CXCL13: variants seen among roughly 807,000 people sequenced by gnomAD.
CXCL13 encodes C-X-C motif chemokine 13.
In CXCL13, 7 loss-of-function variants were observed where a neutral mutation model predicts 12.2. The observed-to-expected ratio is 0.57, with a 90% CI of 0.33 to 1.07. The LOEUF is 1.07. CXCL13 is among the 50% of genes least tolerant of loss of function. The probability of loss-of-function intolerance (pLI) is 0.04; values close to 1 mark genes in which losing one functional copy is unlikely to be tolerated. For synonymous variants in CXCL13, 47 were observed against 42.4 expected, an observed-to-expected ratio of 1.11 and a Z score of -0.42; for missense variants, 113 against 127.4, an observed-to-expected ratio of 0.89 and a Z score of 0.55.
At chr4:77,542,005 A>G (rs945301656) in intron 1 of CXCL13, among the ~76,000 whole-genome samples, 1 of 151,992 alleles carries the variant, frequency 6.6e-6, no homozygotes, top group Non-Finnish European at 1.5e-5. Context: ...TTTGGTTCTC[A>G]GCTTGAATAC....
rs879778686 is a variant in CXCL13 at position 77,546,076 on chromosome 4, C to A, written c.-43+34288C>A. 2.6e-5 allele frequency among the ~76,000 whole-genome samples: 4 copies of A among 152,276 alleles called. No homozygotes were observed. In the East Asian group the frequency reaches 7.7e-4, roughly 29 times the overall value. On this transcript the variant is annotated intron_variant, in intron 1 of 4. Coordinates refer to the CXCL13 transcript ENST00000286758. Reference sequence around the variant, plus strand: ...TATTGATTTGCATATGTTAAACCAGCCTTGCATCCCAGGGATGAAGCCAAC... The same window carrying A: ...TATTGATTTGCATATGTTAAACCAGACTTGCATCCCAGGGATGAAGCCAAC...
intron 1 of CXCL13, among the ~76,000 whole-genome samples, chr4:77,521,655 T>TA (rs935604578): frequency 5.3e-5 from 8 of 151,974 alleles, no homozygotes; most frequent in African/African-American, 7.2e-5. Context: ...GTTGATCTTT[T>TA]AAAAAAAACA....
chr4:77,586,539 GC>G (rs1354123516), intron 1 of CXCL13, among the ~76,000 whole-genome samples: 1 of 152,122 alleles, frequency 6.6e-6, no homozygotes, highest in African/African-American at 2.4e-5. Context: ...ATTCCACTGT[GC>G]CCACGAGGAC....
intron 1 of CXCL13, among the ~76,000 whole-genome samples, chr4:77,514,216 T>G (rs1724349753): frequency 6.6e-6 from 1 of 152,148 alleles, no homozygotes; most frequent in South Asian, 2.1e-4. Flanking sequence ...TGTTGGACAT[T>G]TGGGTTGGTT....
intron 1 of CXCL13, among the ~76,000 whole-genome samples, chr4:77,582,069 G>GAA (rs35016495): frequency 7.9e-5 from 12 of 151,652 alleles, no homozygotes; most frequent in African/African-American, 2.4e-4. Context: ...AAAATGGAAA[G>GAA]AAAAAAAACA....
intron 1 of CXCL13, among the ~76,000 whole-genome samples, chr4:77,595,384 G>A (rs1039451460): frequency 1.3e-5 from 2 of 152,080 alleles, no homozygotes; most frequent in African/African-American, 4.8e-5. Context: ...CTAAAATTTC[G>A]GTACCACAGA....
intron 2 of CXCL13, among the ~76,000 whole-genome samples, chr4:77,609,664 G>A (rs1727098716): frequency 6.6e-6 from 1 of 152,140 alleles, no homozygotes; most frequent in Non-Finnish European, 1.5e-5. Flanking sequence ...TGTTTTGTTT[G>A]AGTTCACACC....
chr4:77,555,512 G>T (rs982855060), intron 1 of CXCL13, among the ~76,000 whole-genome samples: 1 of 151,912 alleles, frequency 6.6e-6, no homozygotes, highest in Non-Finnish European at 1.5e-5. Flanking sequence ...GTAAATGCAA[G>T]ACTAATTATA....
intron 1 of CXCL13, among the ~76,000 whole-genome samples, chr4:77,576,711 A>T (rs1726207047): frequency 6.6e-6 from 1 of 152,184 alleles, no homozygotes; most frequent in Admixed American, 6.5e-5. Context: ...CCTATCTGAG[A>T]TTCCTTGTGA....
At chr4:77,572,373 C>T (rs1726106331) in intron 1 of CXCL13, among the ~76,000 whole-genome samples, 1 of 151,664 alleles carries the variant, frequency 6.6e-6, no homozygotes, top group African/African-American at 2.4e-5. Flanking sequence ...TGCACTCCAG[C>T]CTGGGTGACA....
rs984843489 is a variant in CXCL13, at chr4:77,592,020, G to A, written c.-42-13804G>A. Among the ~76,000 whole-genome samples, 3 of 152,260 alleles carry A rather than the reference G, an allele frequency of 2.0e-5. No homozygotes were observed. The South Asian group carries it at 6.2e-4, about 32-fold the overall frequency. ...AAGAAGCAACACCAAAAACATTTCT[G>A]GCCACCTTGATCAGAAAAGAAATAA... On this transcript the variant is annotated intron_variant, in intron 1 of 4. Coordinates refer to the CXCL13 transcript ENST00000286758.
intron 1 of CXCL13, among the ~76,000 whole-genome samples, chr4:77,590,275 G>A (rs973171440): frequency 3.9e-5 from 6 of 152,064 alleles, no homozygotes; most frequent in African/African-American, 1.5e-4. Context: ...GTTTCCATAG[G>A]AGGAAAAAGC....
At chr4:77,573,381 T>C (rs940699591) in intron 1 of CXCL13, among the ~76,000 whole-genome samples, 2 of 149,526 alleles carry the variant, frequency 1.3e-5, no homozygotes, top group Admixed American at 1.3e-4. Flanking sequence ...TGTGTGTGTG[T>C]GTGTGTGTGT....
chr4:77,543,678 T>A (rs140321691), intron 1 of CXCL13, among the ~76,000 whole-genome samples: 40 of 152,268 alleles, frequency 2.6e-4, no homozygotes, highest in Non-Finnish European at 5.0e-4. Context: ...AAGATCATCT[T>A]GGTATTTATT....
At chr4:77,512,508 C>G (rs1724300635) in intron 1 of CXCL13, among the ~76,000 whole-genome samples, 1 of 152,174 alleles carries the variant, frequency 6.6e-6, no homozygotes, top group Non-Finnish European at 1.5e-5. Context: ...ATGCTTCCCT[C>G]TTTGGCTTGT....
rs559565800 is a variant in CXCL13 at position 77,595,471 on chromosome 4, T to A, written c.-42-10353T>A. On this transcript the variant is annotated intron_variant, in intron 1 of 4. Coordinates refer to the CXCL13 transcript ENST00000286758. ...GAAGGCAAGAACAGAGCAATGGCCATGATTTAGTTCACTTTTGGACCCTGA... is the reference window on the plus strand; with the variant it reads ...GAAGGCAAGAACAGAGCAATGGCCAAGATTTAGTTCACTTTTGGACCCTGA... Among the ~76,000 whole-genome samples the A allele has an allele frequency of 2.6e-5, 4 of 152,314 alleles. No homozygotes were observed. The South Asian group carries it at 8.3e-4, about 32-fold the overall frequency.
At chr4:77,531,927 G>A (rs931386615) in intron 1 of CXCL13, among the ~76,000 whole-genome samples, 9 of 152,046 alleles carry the variant, frequency 5.9e-5, no homozygotes, top group Non-Finnish European at 1.2e-4. Context: ...TTTATTTTGA[G>A]CCTATGTGTG....
intron 1 of CXCL13, among the ~76,000 whole-genome samples, chr4:77,592,773 T>C (rs1726646086): frequency 6.6e-6 from 1 of 152,102 alleles, no homozygotes; most frequent in Non-Finnish European, 1.5e-5. Flanking sequence ...CACTCAAGAT[T>C]CAGTTTTGAG....
chr4:77,533,831 G>T (rs191320107), intron 1 of CXCL13, among the ~76,000 whole-genome samples: 2 of 152,204 alleles, frequency 1.3e-5, no homozygotes, highest in African/African-American at 4.8e-5. Context: ...GACCCTCTGA[G>T]CCATGCACGG....
Sources: gnomAD v4.1 joint callset for allele counts (sites outside exome capture counted in the v4.1 genomes callset) on GRCh38, gnomAD v4.1.1 for gene constraint, MANE v1.5 for transcripts, NCBI Gene and HGNC (gene_info 2026-07-23, HGNC 2026-07-21) for gene names.